Variants in SHC3 observed in about 807,000 individuals in gnomAD.
SHC3 encodes SHC adaptor protein 3.
Under a neutral mutation model 60.4 loss-of-function variants are expected in SHC3, and 15 were observed. The ratio of observed to expected loss-of-function variants is 0.25; its 90% CI spans 0.17 to 0.38. The LOEUF is 0.38. Among genes scored for constraint, SHC3 ranks in the 10% least tolerant of loss-of-function variants. The pLI, the probability that SHC3 is intolerant of heterozygous loss-of-function variation, is 1.00. For missense variants in SHC3, 677 were observed against 786.1 expected (o/e 0.86, Z 1.66); for synonymous variants, 294 against 325.9 (o/e 0.90, Z 1.05).
intron 3 of SHC3, 60 bp from the exon 4 acceptor site, chr9:89,075,288 T>A (rs1352935810): frequency 1.3e-6 from 2 of 1,590,652 alleles, no homozygotes; most frequent in African/African-American, 2.7e-5. Flanking sequence ...GGTGGGGATG[T>A]GGATGCCTGC....
At chr9:89,133,505 C>A (rs1200551943) in intron 1 of SHC3, among the ~76,000 whole-genome samples, 1 of 152,116 alleles carries the variant, frequency 6.6e-6, no homozygotes, top group African/African-American at 2.4e-5. Context: ...AGACTTGGAA[C>A]CAAACCAAAT....
chr9:89,033,025 A>T (rs1331179), intron 11 of SHC3, among the ~76,000 whole-genome samples: 18 of 138,660 alleles, frequency 1.3e-4, no homozygotes, highest in South Asian at 1.1e-3. Context: ...AAGCCCCCCC[A>T]CCGAAGAACA....
chr9:89,037,466 C>T (rs372369300), intron 11 of SHC3: 12 of 697,686 alleles, frequency 1.7e-5, no homozygotes, highest in Admixed American at 4.6e-5. Flanking sequence ...GCCAAACCTA[C>T]GGGATTATTC....
chr9:89,035,251 T>C (rs549003860), intron 11 of SHC3, among the ~76,000 whole-genome samples: 40 of 152,314 alleles, frequency 2.6e-4, no homozygotes, highest in Non-Finnish European at 5.3e-4. Context: ...GGGTCTGATC[T>C]CCCCAACAAA....
intron 7 of SHC3, among the ~76,000 whole-genome samples, chr9:89,049,913 G>T (rs1484641823): frequency 1.3e-5 from 2 of 152,256 alleles, no homozygotes; most frequent in East Asian, 3.9e-4. Context: ...GGCTGCCCTG[G>T]AGTCACCGAG....
chr9:89,170,803 A>C (rs2118266955), intron 1 of SHC3, among the ~76,000 whole-genome samples: 1 of 152,356 alleles, frequency 6.6e-6, no homozygotes, highest in South Asian at 2.1e-4. Context: ...TGTAGCATTT[A>C]CATTATAATA....
chr9:89,149,198 C>A (rs563666870), intron 1 of SHC3, among the ~76,000 whole-genome samples: 1 of 152,132 alleles, frequency 6.6e-6, no homozygotes. Flanking sequence ...ATTTTCAATT[C>A]GCTTTTCCTA....
intron 11 of SHC3, among the ~76,000 whole-genome samples, chr9:89,029,509 G>T (rs865830490): frequency 6.6e-6 from 1 of 152,160 alleles, no homozygotes; most frequent in Non-Finnish European, 1.5e-5. Flanking sequence ...TTATGCTCAT[G>T]CACCTCTTCC....
At chr9:89,164,020 A>G (rs1277370600) in intron 1 of SHC3, among the ~76,000 whole-genome samples, 1 of 151,964 alleles carries the variant, frequency 6.6e-6, no homozygotes, top group Admixed American at 6.6e-5. Context: ...CAAAGGCCTC[A>G]CCTCCTAACA....
chr9:89,038,027 G>T lies in SHC3; in HGVS notation c.1622C>A (p.Ala541Asp). ...FVLTGMHNGQ[A>D]KHLLLVDPEG... ...TGGGTCCACGAGCAGCAGGTGCTTG[G>T]CCTGGCCATTGTGCATGCCCGTGAG... is the stretch of plus-strand genomic sequence containing the variant. The change falls in exon 11 of 12, where the codon GCC becomes GAC. Residue 541 changes from alanine (A) to aspartate (D), a missense_variant. Coordinates refer to ENST00000375835, the MANE Select transcript of SHC3 (RefSeq NM_016848.6). 1 of 1,612,270 alleles carries T rather than the reference G, an allele frequency of 6.2e-7. No homozygotes were observed.
At chr9:89,065,923 G>A (rs916008306) in intron 5 of SHC3, among the ~76,000 whole-genome samples, 1 of 152,142 alleles carries the variant, frequency 6.6e-6, no homozygotes, top group Non-Finnish European at 1.5e-5. Context: ...AGGAGAAAAG[G>A]CATGTTGGAT....
At chr9:89,170,618 C>G (rs915780654) in intron 1 of SHC3, among the ~76,000 whole-genome samples, 1 of 152,212 alleles carries the variant, frequency 6.6e-6, no homozygotes, top group Non-Finnish European at 1.5e-5. Flanking sequence ...GGATTCCAGT[C>G]TGGGCGACAG....
chr9:89,037,595 G>C, intron 11 of SHC3: 1 of 702,544 alleles, frequency 1.4e-6, no homozygotes, highest in South Asian at 1.6e-5. Flanking sequence ...TACAGCCTTA[G>C]AACAAAATCC....
chr9:89,037,078 T>G (rs1824594382), intron 11 of SHC3, among the ~76,000 whole-genome samples: 1 of 151,958 alleles, frequency 6.6e-6, no homozygotes, highest in Non-Finnish European at 1.5e-5. Flanking sequence ...GGGAAGTGGC[T>G]GCTTCTGCAG....
At position 89,006,342 on chromosome 9, in the gene SHC3, T is replaced by C. The variant is rs1825939729; in HGVS notation, c.*7105A>G. 6.6e-6 allele frequency: 1 copy of C among 152,248 alleles called. No homozygotes were observed. Among genetic ancestry groups the C allele is most frequent in the Non-Finnish European group, 1.5e-5 (1 of 68,044 alleles). 9.4% of individuals were successfully genotyped at this position (152,248 alleles called of 1,614,324 possible). The stretch of plus-strand genomic sequence containing the variant: ...TTAAGCTAATTCTCTTCACCTGCTG[T>C]ATTCTCAAATCTCCAAAACACCAGA... On this transcript the variant is annotated 3_prime_UTR_variant, in exon 12 of 12. Coordinates refer to ENST00000375835, the MANE Select transcript of SHC3 (RefSeq NM_016848.6).
In SHC3 at chr9:89,178,117, GCCGAGGGCGCACTGCCGT is replaced by G; in HGVS notation, c.326_343del (p.Asp109_Ser114del). On this transcript the variant is annotated inframe_deletion, in exon 1 of 12. Coordinates refer to ENST00000375835, the MANE Select transcript of SHC3 (RefSeq NM_016848.6). This position sits in a 1 kb window ranked among gnomAD's most constrained non-coding sequence, Gnocchi z 6.9. ...GGCGCTCATGGCCGGGGCGCGGGGC[GCCGAGGGCGCACTGCCGT>G]CCGGGGCGGCCAGGCTGGGCGCGCT... 1.7e-6 allele frequency: 2 copies of G among 1,157,880 alleles called. No homozygotes were observed. Among genetic ancestry groups the G allele is most frequent in the Non-Finnish European group, 2.1e-6 (2 of 941,142 alleles). The allele number at this position is 1,157,880 out of a possible 1,614,324, so 71.7% of individuals were successfully genotyped here. A position where few individuals can be genotyped will look rare whatever the true frequency, so the allele number is the denominator to read the frequency against.
rs7874561 is a variant in SHC3 at position 89,066,023 on chromosome 9, G to A, written c.784-443C>T. ...GTTTGGATGTGAGGCCTGTGCATTC[G>A]TTTTTAGATGCTCCCTAGATGACTG... On this transcript the variant is annotated intron_variant, in intron 5 of 11. Transcript: ENST00000375835. Among the ~76,000 whole-genome samples the A allele has an allele frequency of 7.3e-3, 1,108 of 152,276 alleles. 16 individuals carry two copies. The highest frequency in any genetic ancestry group is 0.025 in the African/African-American group (1,032 of 41,544).
chr9:89,133,427 T>C (rs1397880264), intron 1 of SHC3, among the ~76,000 whole-genome samples: 2 of 152,132 alleles, frequency 1.3e-5, no homozygotes, highest in African/African-American at 4.8e-5. Context: ...ACCCAAAGGA[T>C]TATAAATCAT....
chr9:89,107,477 T>C (rs993678511), intron 2 of SHC3, among the ~76,000 whole-genome samples: 1 of 152,160 alleles, frequency 6.6e-6, no homozygotes, highest in Non-Finnish European at 1.5e-5. Context: ...AGAAGTGAAG[T>C]GGAGGCATCC....
Sources: allele counts gnomAD v4.1 joint callset (sites outside exome capture counted in the v4.1 genomes callset), GRCh38; gene constraint gnomAD v4.1.1; non-coding constraint Gnocchi (gnomAD v3.1); transcripts MANE v1.5; gene names NCBI Gene and HGNC (gene_info 2026-07-23, HGNC 2026-07-21).